Variants in FKBP15 observed in about 807,000 individuals in gnomAD.
FKBP15 encodes the protein FK506-binding protein 15.
FKBP15 carries 106 observed loss-of-function variants against 158.1 expected under a neutral mutation model. That is an observed-to-expected ratio of 0.67 (90% CI 0.57 to 0.79). The LOEUF is 0.79. Ranked by LOEUF, FKBP15 falls within the 30% of genes least tolerant of loss-of-function variation. The pLI, the probability that FKBP15 is intolerant of heterozygous loss-of-function variation, is 0.00. For missense variants in FKBP15, 1,287 were observed against 1,479.1 expected (o/e 0.87, Z 2.13); for synonymous variants, 547 against 548.6 (o/e 1.00, Z 0.04).
chr9:113,210,217 G>T (rs377383604), intron 2 of FKBP15, among the ~76,000 whole-genome samples: 2 of 152,144 alleles, frequency 1.3e-5, no homozygotes, highest in South Asian at 4.1e-4. Context: ...CTCACCACTG[G>T]GGGTGAGCTT....
Position 113,213,404 on chromosome 9 carries a change from C to T in FKBP15, c.54-1812G>A, listed in dbSNP as rs566703060. ...AGCCTAGGCAACGAGAGCGAAACTC[C>T]GTCTCCAAAAAAAAAAAAAATTATC... On this transcript the variant is annotated intron_variant, in intron 1 of 27. Transcript: ENST00000238256. Among the ~76,000 whole-genome samples the T allele has an allele frequency of 1.7e-4, 25 of 146,320 alleles. 1 individual carries two copies. Among genetic ancestry groups the T allele is most frequent in the African/African-American group, 5.3e-4 (21 of 39,406 alleles).
intron 11 of FKBP15, 107 bp from the exon 12 acceptor site, chr9:113,190,685 C>T (rs1830560119): frequency 1.3e-6 from 1 of 753,084 alleles, no homozygotes; most frequent in Non-Finnish European, 2.2e-6. Flanking sequence ...AATCCCCCTA[C>T]CATATCTATT....
At chr9:113,201,844 A>C (rs1564179203) in intron 6 of FKBP15, among the ~76,000 whole-genome samples, 1 of 152,230 alleles carries the variant, frequency 6.6e-6, no homozygotes, top group Non-Finnish European at 1.5e-5. Context: ...GAAAAGATGA[A>C]TTATACATTT....
chr9:113,168,783 A>AC (rs1253301425), intron 26 of FKBP15, among the ~76,000 whole-genome samples: 1 of 152,140 alleles, frequency 6.6e-6, no homozygotes, highest in Non-Finnish European at 1.5e-5. Flanking sequence ...TTTCAATGTG[A>AC]CCTTCTCAGA....
rs113514393 is a variant in FKBP15 at position 113,197,182 on chromosome 9, C to A, written c.718-104G>T. ...TCACTTATCCACACTTTCACGTTTACTCAGTGCCTCCAGAGGTCGGGTCTG... is the reference window on the plus strand; with the variant it reads ...TCACTTATCCACACTTTCACGTTTAATCAGTGCCTCCAGAGGTCGGGTCTG... On this transcript the variant is annotated intron_variant, in intron 8 of 27. Transcript: ENST00000238256. 6.2e-4 allele frequency: 881 copies of A among 1,417,484 alleles called. 4 individuals carry two copies. The African/African-American group carries it at 0.011, about 18-fold the overall frequency. 87.8% of individuals were successfully genotyped at this position (1,417,484 alleles called of 1,614,324 possible).
In FKBP15 at chr9:113,161,840, A is replaced by ATGTG; in HGVS notation, c.*4237_*4238insCACA. 1 of 875,590 alleles carries ATGTG rather than the reference A, an allele frequency of 1.1e-6. No homozygotes were observed. The highest frequency in any genetic ancestry group is 1.9e-6 in the Non-Finnish European group (1 of 540,424). The allele number at this position is 875,590 out of a possible 1,614,324, so 54.2% of individuals were successfully genotyped here. On this transcript the variant is annotated 3_prime_UTR_variant, in exon 28 of 28. Transcript: ENST00000238256. The stretch of plus-strand genomic sequence containing the variant: ...CCAGGACTTGCCAAAGTGGCTACAC[A>ATGTG]TAGCCAAGTGAACTAGAGCTCATGT...
chr9:113,218,838 A>G (rs531652779), intron 1 of FKBP15, among the ~76,000 whole-genome samples: 3 of 152,314 alleles, frequency 2.0e-5, no homozygotes, highest in African/African-American at 7.2e-5. Context: ...TATCTTTTAC[A>G]GAACTCAAAA....
intron 4 of FKBP15, 25 bp from the exon 5 acceptor site, chr9:113,203,060 A>G (rs1472994415): frequency 8.3e-6 from 3 of 360,156 alleles, no homozygotes; most frequent in East Asian, 4.8e-5. Flanking sequence ...CGACAGATAG[A>G]AAAAAAAAAA....
Position 113,163,077 on chromosome 9 carries a change from G to A in FKBP15, c.*3001C>T, listed in dbSNP as rs536752163. 1.2e-4 allele frequency: 73 copies of A among 633,204 alleles called. No individual in the cohort carries two copies. The Admixed American group carries it at 2.2e-3, about 19-fold the overall frequency. 39.2% of individuals were successfully genotyped at this position (633,204 alleles called of 1,614,324 possible). A position where few individuals can be genotyped will look rare whatever the true frequency, so the allele number is the denominator to read the frequency against. On this transcript the variant is annotated 3_prime_UTR_variant, in exon 28 of 28. Coordinates refer to ENST00000238256, the MANE Select transcript of FKBP15 (RefSeq NM_015258.2). Reference sequence around the variant, plus strand: ...AGCCAGCACTTGCTCCCTGGAGTTCGGAAGCCATTGCAGCAACCTTCCTTC... The same window carrying A: ...AGCCAGCACTTGCTCCCTGGAGTTCAGAAGCCATTGCAGCAACCTTCCTTC...
rs1252166870 is a variant in FKBP15 at position 113,190,638 on chromosome 9, C to T, written c.1066-60G>A. ...ATTAAAGCTCATCACCTTCAGGCAG[C>T]TCTATCCCTTTGGCTCTTGTATCAA... On this transcript the variant is annotated intron_variant, in intron 11 of 27. Coordinates refer to ENST00000238256, the MANE Select transcript of FKBP15 (RefSeq NM_015258.2). 7 of 1,286,072 alleles carry T rather than the reference C, an allele frequency of 5.4e-6. No individual in the cohort carries two copies. In the African/African-American group the frequency reaches 7.3e-5, roughly 13 times the overall value. 79.7% of individuals were successfully genotyped at this position (1,286,072 alleles called of 1,614,324 possible). A position where few individuals can be genotyped will look rare whatever the true frequency, so the allele number is the denominator to read the frequency against.
At chr9:113,188,645 G>A in intron 12 of FKBP15, 154 bp from the exon 13 acceptor site, 2 of 608,042 alleles carry the variant, frequency 3.3e-6, no homozygotes, top group South Asian at 2.0e-5. Flanking sequence ...GAGGGTGTGG[G>A]TTGTGGAGAA....
rs770834197 is a variant in FKBP15, at chr9:113,193,567, A to C, written c.1008-18T>G. On this transcript the variant is annotated intron_variant, in intron 10 of 27. Transcript: ENST00000238256. ...CTGGCTCCCTGAAAGCAAATAGACC[A>C]TATTCCAAGATTGAAAACAAAATCC... is the stretch of plus-strand genomic sequence containing the variant. The C allele has an allele frequency of 2.0e-5, 32 of 1,585,684 alleles. No homozygotes were observed. The highest frequency in any genetic ancestry group is 2.8e-5 in the Non-Finnish European group (32 of 1,163,624).
rs1404510061 is a variant in FKBP15 at position 113,190,462 on chromosome 9, G to A, written c.1173+9C>T. On this transcript the variant is annotated intron_variant, in intron 12 of 27. Transcript: ENST00000238256. The stretch of plus-strand genomic sequence containing the variant: ...TACTATTCATTCTAATACAGCCAGG[G>A]GGACATACTTCGATTTCTGAATCAT... 1 of 1,592,600 alleles carries A rather than the reference G, an allele frequency of 6.3e-7. No individual in the cohort carries two copies. The highest frequency in any genetic ancestry group is 8.6e-7 in the Non-Finnish European group (1 of 1,165,468).
At chr9:113,187,739 G>T in intron 14 of FKBP15, 54 bp downstream of exon 14, 1 of 1,372,850 alleles carries the variant, frequency 7.3e-7, no homozygotes, top group African/African-American at 1.4e-5. Context: ...AAAAGAGACT[G>T]ACTAGAACCA....
rs1228859037 is a variant in FKBP15, at chr9:113,198,793, T to G, written c.717+62A>C. On this transcript the variant is annotated intron_variant, in intron 8 of 27. Transcript: ENST00000238256. This position sits in a 1 kb window ranked among gnomAD's most constrained non-coding sequence, Gnocchi z 5.2. ...AATAAAAAAAGGAATTCCACAAAAT[T>G]TAATCTAAGTTAAACCCACTGCAAC... is the stretch of plus-strand genomic sequence containing the variant. 7.4e-6 allele frequency: 8 copies of G among 1,086,322 alleles called. No individual in the cohort carries two copies. In the African/African-American group the frequency reaches 9.7e-5, roughly 13 times the overall value. The allele number at this position is 1,086,322 out of a possible 1,614,324, so 67.3% of individuals were successfully genotyped here.
intron 11 of FKBP15, among the ~76,000 whole-genome samples, 158 bp from the exon 12 acceptor site, chr9:113,190,736 T>C (rs1013030533): frequency 3.3e-5 from 5 of 152,248 alleles, no homozygotes; most frequent in African/African-American, 1.2e-4. Flanking sequence ...ATTTCTTGCA[T>C]AGAAGTATAC....
Position 113,169,336 on chromosome 9 carries a change from T to A in FKBP15, c.3373A>T (p.Lys1125Ter). ...PGEPQPPQLK[K>*]DDVTSSTGPH... ...CCGGTGGAGCTAGTGACATCATCTTTCTTGAGCTGTGGAGGCTGAGGCTCT... is the reference window on the plus strand; with the variant it reads ...CCGGTGGAGCTAGTGACATCATCTTACTTGAGCTGTGGAGGCTGAGGCTCT... The change falls in exon 26 of 28, where the codon AAA becomes TAA. Residue 1125 changes from lysine to a stop codon, truncating the protein, a stop_gained. Coordinates refer to ENST00000238256, the MANE Select transcript of FKBP15 (RefSeq NM_015258.2). LOFTEE classifies it high-confidence loss of function. 6.2e-7 allele frequency: 1 copy of A among 1,614,024 alleles called. No homozygotes were observed. The highest frequency in any genetic ancestry group is 8.5e-7 in the Non-Finnish European group (1 of 1,179,908).
At chr9:113,187,613 A>T in intron 14 of FKBP15, 180 bp downstream of exon 14, 1 of 599,306 alleles carries the variant, frequency 1.7e-6, no homozygotes, top group Non-Finnish European at 3.0e-6. Context: ...ATGACACTGG[A>T]ACGTAGGTTA....
At chr9:113,218,142 CT>C (rs1831177997) in intron 1 of FKBP15, among the ~76,000 whole-genome samples, 2 of 151,928 alleles carry the variant, frequency 1.3e-5, no homozygotes, top group African/African-American at 4.8e-5. Flanking sequence ...AACAGAGATT[CT>C]TTTTGTTGGT....
Sources: allele counts gnomAD v4.1 joint callset (sites outside exome capture counted in the v4.1 genomes callset), GRCh38; gene constraint gnomAD v4.1.1; non-coding constraint Gnocchi (gnomAD v3.1); transcripts MANE v1.5; gene names NCBI Gene and HGNC (gene_info 2026-07-23, HGNC 2026-07-21).